FARS2: variants seen among roughly 807,000 people sequenced by gnomAD.
FARS2 encodes phenylalanine--tRNA ligase, mitochondrial.
Under a neutral mutation model 46.4 loss-of-function variants are expected in FARS2, and 40 were observed. That is an observed-to-expected ratio of 0.86 (90% CI 0.67 to 1.12). The LOEUF is 1.12. Ranked by LOEUF, FARS2 falls within the 50% of genes most tolerant of loss-of-function variation. The pLI is 0.00. For synonymous variants in FARS2, 234 were observed against 214.9 expected (o/e 1.09, Z -0.78); for missense variants, 513 against 567.9 (o/e 0.90, Z 0.98).
At chr6:5,688,258 A>T (rs906060449) in intron 6 of FARS2, among the ~76,000 whole-genome samples, 1 of 152,094 alleles carries the variant, frequency 6.6e-6, no homozygotes, top group African/African-American at 2.4e-5. Context: ...GTGGTGGGAG[A>T]GGGCATCCCT....
chr6:5,568,877 G>A (rs1290688411), intron 5 of FARS2, among the ~76,000 whole-genome samples: 1 of 152,200 alleles, frequency 6.6e-6, no homozygotes, highest in East Asian at 1.9e-4. Flanking sequence ...ATGTAGGGTA[G>A]TAACAGAGAG....
In FARS2 at chr6:5,688,741, T is replaced by C. The variant is rs936991409; in HGVS notation, c.1217+75421T>C. Reference sequence around the variant, plus strand: ...AAAATGAGTTAGGGAGGATTCCCCCTTTTTCTATTGATTGGAATAGTTTCA... The same window carrying C: ...AAAATGAGTTAGGGAGGATTCCCCCCTTTTCTATTGATTGGAATAGTTTCA... On this transcript the variant is annotated intron_variant, in intron 6 of 6. Transcript: ENST00000274680. Among the ~76,000 whole-genome samples, 99 of 152,204 alleles carry C rather than the reference T, an allele frequency of 6.5e-4. 2 individuals are homozygous for C. Among genetic ancestry groups the C allele is most frequent in the Admixed American group, 3.3e-4 (5 of 15,280 alleles).
intron 5 of FARS2, among the ~76,000 whole-genome samples, chr6:5,551,175 T>A (rs1276931932): frequency 6.6e-6 from 1 of 152,214 alleles, no homozygotes; most frequent in Non-Finnish European, 1.5e-5. Flanking sequence ...ATATCCAAGT[T>A]CATTGTTTAC....
At position 5,546,449 on chromosome 6, in the gene FARS2, A is replaced by G. The variant is rs866604226; in HGVS notation, c.1065+1109A>G. ...GTATTTTTAGTAGAGACGGGGTTTC[A>G]CCATGTTGGCCAGGCTGGTCTCAAA... On this transcript the variant is annotated intron_variant, in intron 5 of 6. Transcript: ENST00000274680. Among the ~76,000 whole-genome samples, 4 of 151,580 alleles carry G rather than the reference A, an allele frequency of 2.6e-5. No individual in the cohort carries two copies. In the South Asian group the frequency reaches 8.4e-4, roughly 32 times the overall value.
rs562150263 is a variant in FARS2 at position 5,410,077 on chromosome 6, T to C, written c.772+5376T>C. The stretch of plus-strand genomic sequence containing the variant: ...GTGCTTCCTTCATGCTCACACTGAA[T>C]GTTAACAATGCTTTCAGGATTCTCA... On this transcript the variant is annotated intron_variant, in intron 3 of 6. Coordinates refer to ENST00000274680, the MANE Select transcript of FARS2 (RefSeq NM_006567.5). 1.1e-4 allele frequency among the ~76,000 whole-genome samples: 17 copies of C among 152,228 alleles called. No individual in the cohort carries two copies. In the East Asian group the frequency reaches 2.9e-3, roughly 26 times the overall value.
chr6:5,613,465 A>G, intron 6 of FARS2, 145 bp downstream of exon 6: 1 of 582,320 alleles, frequency 1.7e-6, no homozygotes, highest in Non-Finnish European at 2.9e-6. Context: ...GCTTATCAGA[A>G]AACTCTTTGA....
At chr6:5,756,288 C>A (rs1762201055) in intron 6 of FARS2, among the ~76,000 whole-genome samples, 1 of 152,176 alleles carries the variant, frequency 6.6e-6, no homozygotes, top group African/African-American at 2.4e-5. Context: ...CAGCTACCTA[C>A]TTTTTTATAA....
chr6:5,660,315 C>G (rs939591790), intron 6 of FARS2, among the ~76,000 whole-genome samples: 1 of 152,124 alleles, frequency 6.6e-6, no homozygotes, highest in African/African-American at 2.4e-5. Flanking sequence ...ATGTGAGTGA[C>G]AGCTGAAATA....
chr6:5,470,242 A>G (rs1407735940), intron 4 of FARS2, among the ~76,000 whole-genome samples: 1 of 152,260 alleles, frequency 6.6e-6, no homozygotes, highest in Non-Finnish European at 1.5e-5. Flanking sequence ...ATGCAAGTAA[A>G]AAACAATACA....
At chr6:5,702,286 T>G (rs1340116515) in intron 6 of FARS2, among the ~76,000 whole-genome samples, 2 of 152,248 alleles carry the variant, frequency 1.3e-5, no homozygotes, top group African/African-American at 4.8e-5. Context: ...TTAACTAGGA[T>G]ACCAGAAAGC....
intron 6 of FARS2, among the ~76,000 whole-genome samples, chr6:5,688,926 T>C (rs1481910294): frequency 6.6e-6 from 1 of 152,242 alleles, no homozygotes; most frequent in Admixed American, 6.5e-5. Context: ...TGGTTTAGTC[T>C]TGGGAGGGTG....
intron 4 of FARS2, among the ~76,000 whole-genome samples, chr6:5,478,249 A>G (rs932082958): frequency 1.7e-4 from 26 of 152,194 alleles, no homozygotes; most frequent in African/African-American, 4.8e-4. Context: ...GTGACCAGTT[A>G]CTATTTAACC....
At chr6:5,423,317 C>T (rs1762663089) in intron 3 of FARS2, among the ~76,000 whole-genome samples, 1 of 151,850 alleles carries the variant, frequency 6.6e-6, no homozygotes, top group Non-Finnish European at 1.5e-5. Context: ...GAACCCATAC[C>T]CAGATTTCAG....
intron 4 of FARS2, among the ~76,000 whole-genome samples, chr6:5,431,995 T>C (rs1763197336): frequency 6.6e-6 from 1 of 151,696 alleles, no homozygotes; most frequent in Admixed American, 6.6e-5. Flanking sequence ...CTATCTGAAT[T>C]TAATTAAAAA....
intron 4 of FARS2, among the ~76,000 whole-genome samples, chr6:5,459,963 T>C (rs1310188129): frequency 6.6e-6 from 1 of 152,208 alleles, no homozygotes; most frequent in African/African-American, 2.4e-5. Context: ...GACTTAGCCA[T>C]GTCTTCCCTA....
In FARS2 at chr6:5,494,126, C is replaced by CT. The variant is rs56775720; in HGVS notation, c.905-51041dup. Among the ~76,000 whole-genome samples, 641 of 131,150 alleles carry CT rather than the reference C, an allele frequency of 4.9e-3. 2 individuals are homozygous for CT. The highest frequency in any genetic ancestry group is 0.035 in the Middle Eastern group (9 of 258). The allele number at this position is 131,150 out of a possible 152,430, so 86.0% of individuals were successfully genotyped here. On this transcript the variant is annotated intron_variant, in intron 4 of 6. Coordinates refer to ENST00000274680, the MANE Select transcript of FARS2 (RefSeq NM_006567.5). The stretch of plus-strand genomic sequence containing the variant: ...TTTTCTGTTTCCTCCTTTTTTTTTT[C>CT]TTTTTTTTTTTTTGTGGTGTCAAGT...
At chr6:5,723,606 C>T (rs935306467) in intron 6 of FARS2, among the ~76,000 whole-genome samples, 14 of 152,234 alleles carry the variant, frequency 9.2e-5, no homozygotes, top group Non-Finnish European at 8.8e-5. Context: ...CACTGCCTCT[C>T]TCGATCCATT....
intron 5 of FARS2, among the ~76,000 whole-genome samples, chr6:5,610,982 C>T (rs940555383): frequency 1.3e-5 from 2 of 152,244 alleles, no homozygotes; most frequent in African/African-American, 4.8e-5. Flanking sequence ...TCATTGCTCA[C>T]AGCAGGTGGC....
At chr6:5,384,583 A>C (rs1453652498) in intron 2 of FARS2, among the ~76,000 whole-genome samples, 1 of 152,188 alleles carries the variant, frequency 6.6e-6, no homozygotes, top group African/African-American at 2.4e-5. Context: ...GATGTGTTCA[A>C]CTTGAGTTTT....
Sources: gnomAD v4.1 joint callset for allele counts (sites outside exome capture counted in the v4.1 genomes callset) on GRCh38, gnomAD v4.1.1 for gene constraint, MANE v1.5 for transcripts, NCBI Gene and HGNC (gene_info 2026-07-23, HGNC 2026-07-21) for gene names.